EFR3A: variants seen among roughly 807,000 people sequenced by gnomAD.
The protein encoded by EFR3A is EFR3 homolog A.
A neutral mutation model predicts 104.4 loss-of-function variants in EFR3A; 76 were observed. That is an observed-to-expected ratio of 0.73 (90% CI 0.60 to 0.88). EFR3A has a LOEUF of 0.88. EFR3A is among the 40% of genes least tolerant of loss of function. The pLI is 0.00. For synonymous variants in EFR3A, 330 were observed against 330.0 expected, an observed-to-expected ratio of 1.00 and a Z score of 0.00; for missense variants, 985 against 1,012.5, an observed-to-expected ratio of 0.97 and a Z score of 0.37.
At chr8:131,976,953 A>C in intron 11 of EFR3A, 88 bp from the exon 12 acceptor site, 1 of 910,972 alleles carries the variant, frequency 1.1e-6, no homozygotes, top group Non-Finnish European at 1.6e-6. Context: ...TTAGCCAATA[A>C]GAATAGAATT....
chr8:131,943,538 C>T (rs1818266748), intron 2 of EFR3A, among the ~76,000 whole-genome samples: 1 of 152,048 alleles, frequency 6.6e-6, no homozygotes, highest in African/African-American at 2.4e-5. Flanking sequence ...CAAACCAATT[C>T]CTCCTAGACA....
intron 5 of EFR3A, among the ~76,000 whole-genome samples, chr8:131,952,896 G>T (rs1679794562): frequency 1.3e-5 from 2 of 151,950 alleles, no homozygotes; most frequent in Non-Finnish European, 2.9e-5. Context: ...ACAGTTTTTA[G>T]AAGACAATGC....
intron 1 of EFR3A, among the ~76,000 whole-genome samples, chr8:131,916,325 A>C (rs1816744429): frequency 6.6e-6 from 1 of 152,204 alleles, no homozygotes; most frequent in Non-Finnish European, 1.5e-5. Context: ...ACTTTTGAGG[A>C]AATACAATTG....
At chr8:131,992,365 A>G (rs1317100381) in intron 18 of EFR3A, among the ~76,000 whole-genome samples, 1 of 152,166 alleles carries the variant, frequency 6.6e-6, no homozygotes, top group Non-Finnish European at 1.5e-5. Flanking sequence ...CTTGCAAAAC[A>G]ATGTGTCCTG....
chr8:131,918,115 C>T (rs994228496), intron 1 of EFR3A, among the ~76,000 whole-genome samples: 1 of 152,102 alleles, frequency 6.6e-6, no homozygotes, highest in Non-Finnish European at 1.5e-5. Flanking sequence ...GGTGAAACCC[C>T]ATCTCTACTA....
chr8:131,947,052 A>G lies in EFR3A; in HGVS notation c.366+419A>G, dbSNP rs373029464. Among the ~76,000 whole-genome samples, 16 of 152,042 alleles carry G rather than the reference A, an allele frequency of 1.1e-4. No individual in the cohort carries two copies. The East Asian group carries it at 3.1e-3, about 30-fold the overall frequency. On this transcript the variant is annotated intron_variant, in intron 4 of 22. Transcript: ENST00000254624. ...ATGTATGTTTTTCATTCTCTTGGGTATATACTTAGTAGTGTAATTGCTGAG... is the reference window on the plus strand; with the variant it reads ...ATGTATGTTTTTCATTCTCTTGGGTGTATACTTAGTAGTGTAATTGCTGAG...
At chr8:131,928,475 A>G (rs533860733) in intron 1 of EFR3A, among the ~76,000 whole-genome samples, 21 of 152,298 alleles carry the variant, frequency 1.4e-4, no homozygotes, top group African/African-American at 5.1e-4. Flanking sequence ...TATTTTAGAT[A>G]GCAGACTTTT....
At position 132,010,931 on chromosome 8, in the gene EFR3A, G is replaced by C; in HGVS notation, c.*36G>C. 1.3e-6 allele frequency: 2 copies of C among 1,537,736 alleles called. No individual in the cohort carries two copies. Among genetic ancestry groups the C allele is most frequent in the Non-Finnish European group, 1.8e-6 (2 of 1,127,274 alleles). On this transcript the variant is annotated 3_prime_UTR_variant, in exon 23 of 23. Transcript: ENST00000254624. ...AAGACCTCAGGATATGATTTGTAAA[G>C]CCTAAAAATTAAGGCCAAGCTGAGC... is the stretch of plus-strand genomic sequence containing the variant.
chr8:131,954,848 T>A (rs745356819), intron 6 of EFR3A, among the ~76,000 whole-genome samples: 1 of 151,980 alleles, frequency 6.6e-6, no homozygotes, highest in Non-Finnish European at 1.5e-5. Flanking sequence ...AATAGCAGCA[T>A]AAAAGTAGTC....
At chr8:131,928,629 A>G (rs1322167555) in intron 1 of EFR3A, among the ~76,000 whole-genome samples, 1 of 152,102 alleles carries the variant, frequency 6.6e-6, no homozygotes, top group Admixed American at 6.6e-5. Flanking sequence ...TGGTCTATAG[A>G]ACAATGATTT....
intron 22 of EFR3A, 83 bp from the exon 23 acceptor site, chr8:132,010,707 T>C: frequency 6.7e-7 from 1 of 1,484,594 alleles, no homozygotes; most frequent in Non-Finnish European, 9.1e-7. Flanking sequence ...GACTTTGATA[T>C]TCGCAGATAG....
chr8:132,004,802 A>G (rs577366781), intron 22 of EFR3A, among the ~76,000 whole-genome samples: 2 of 152,318 alleles, frequency 1.3e-5, no homozygotes, highest in South Asian at 2.1e-4. Flanking sequence ...AGAAAAGTAA[A>G]ATAATTTGCT....
At chr8:131,940,422 A>C in intron 1 of EFR3A, 77 bp from the exon 2 acceptor site, 1 of 1,366,808 alleles carries the variant, frequency 7.3e-7, no homozygotes, top group Non-Finnish European at 1.0e-6. Context: ...GCCCATTAAT[A>C]TTCAGAAACT....
chr8:131,905,346 A>C (rs915737409), intron 1 of EFR3A, among the ~76,000 whole-genome samples: 1 of 152,200 alleles, frequency 6.6e-6, no homozygotes, highest in African/African-American at 2.4e-5. Context: ...TCTCCAATGC[A>C]CGTTTCGTCT....
chr8:131,914,637 G>GT (rs974026189), intron 1 of EFR3A, among the ~76,000 whole-genome samples: 130 of 148,896 alleles, frequency 8.7e-4, no homozygotes, highest in Middle Eastern at 3.5e-3. Context: ...GAGCAGCTCT[G>GT]TTTTTTTTTT....
At chr8:131,948,861 A>C (rs1479569900) in intron 4 of EFR3A, among the ~76,000 whole-genome samples, 2 of 152,118 alleles carry the variant, frequency 1.3e-5, no homozygotes, top group Non-Finnish European at 2.9e-5. Flanking sequence ...AAACATGACC[A>C]GTGCTAATTT....
chr8:132,004,600 T>C (rs997542244), intron 22 of EFR3A, among the ~76,000 whole-genome samples: 2 of 152,222 alleles, frequency 1.3e-5, no homozygotes, highest in African/African-American at 4.8e-5. Flanking sequence ...TAGGATTCAA[T>C]TAAAATTGCT....
At chr8:132,001,836 C>G in intron 20 of EFR3A, 29 bp downstream of exon 20, 1 of 1,583,514 alleles carries the variant, frequency 6.3e-7, no homozygotes, top group Non-Finnish European at 8.7e-7. Context: ...GTTAGTACTA[C>G]CAATATTTAA....
chr8:131,934,444 T>G (rs2130518710), intron 1 of EFR3A, among the ~76,000 whole-genome samples: 1 of 152,310 alleles, frequency 6.6e-6, no homozygotes, highest in African/African-American at 2.4e-5. Context: ...CTGTGGTGCT[T>G]ACAGCTGTGC....
Sources: gnomAD v4.1 joint callset for allele counts (sites outside exome capture counted in the v4.1 genomes callset) on GRCh38, gnomAD v4.1.1 for gene constraint, MANE v1.5 for transcripts, NCBI Gene and HGNC (gene_info 2026-07-23, HGNC 2026-07-21) for gene names.